SLC8A3: variants seen among roughly 807,000 people sequenced by gnomAD.
SLC8A3 encodes the protein solute carrier family 8 member A3.
A neutral mutation model predicts 65.4 loss-of-function variants in SLC8A3; 37 were observed. The observed-to-expected ratio is 0.57, with a 90% CI of 0.44 to 0.74. SLC8A3 has a LOEUF of 0.74. Among genes scored for constraint, SLC8A3 ranks in the 30% least tolerant of loss-of-function variants. The probability of loss-of-function intolerance (pLI) is 0.00; values close to 1 mark genes in which losing one functional copy is unlikely to be tolerated. For missense variants in SLC8A3, 1,112 were observed against 1,172.1 expected (o/e 0.95, Z 0.75); for synonymous variants, 461 against 444.5 (o/e 1.04, Z -0.47).
chr14:70,097,517 A>C (rs553676672), intron 2 of SLC8A3, among the ~76,000 whole-genome samples: 32 of 152,302 alleles, frequency 2.1e-4, no homozygotes, highest in African/African-American at 7.0e-4. Flanking sequence ...GAGGACCTCA[A>C]ATGAGTTTCC....
intron 3 of SLC8A3, among the ~76,000 whole-genome samples, chr14:70,054,658 C>G (rs1887882164): frequency 6.6e-6 from 1 of 152,030 alleles, no homozygotes; most frequent in South Asian, 2.1e-4. Flanking sequence ...TTGAGGATAG[C>G]CCTTATTTTG....
At chr14:70,110,835 C>T (rs765192238) in intron 2 of SLC8A3, among the ~76,000 whole-genome samples, 10 of 152,052 alleles carry the variant, frequency 6.6e-5, no homozygotes, top group Non-Finnish European at 1.3e-4. Context: ...TGCCCGCCAC[C>T]GCGCCTGGCT....
intron 2 of SLC8A3, among the ~76,000 whole-genome samples, chr14:70,163,758 T>C (rs568576033): frequency 2.0e-5 from 3 of 152,152 alleles, no homozygotes; most frequent in African/African-American, 7.2e-5. Flanking sequence ...CACCTCTAAG[T>C]TGGGGCCCGC....
intron 2 of SLC8A3, among the ~76,000 whole-genome samples, chr14:70,083,686 C>T (rs11846522): frequency 0.033 from 5,067 of 152,264 alleles, 296 homozygotes; most frequent in African/African-American, 0.12. Flanking sequence ...GAAGTCTATG[C>T]AGTTAGGCTC....
rs11848554 is a variant in SLC8A3 at position 70,067,993 on chromosome 14, G to A, written c.1785-7054C>T. 8.5e-3 allele frequency among the ~76,000 whole-genome samples: 1,296 copies of A among 152,324 alleles called. 17 individuals carry two copies. Among genetic ancestry groups the A allele is most frequent in the African/African-American group, 0.03 (1,264 of 41,560 alleles). ...TCCTCCAAGCTTTCTGCCAAGGGAG[G>A]TGCCAATGCACACAGCGTTCCCAGA... On this transcript the variant is annotated intron_variant, in intron 2 of 6. Coordinates refer to ENST00000356921, the MANE Select transcript of SLC8A3 (RefSeq NM_182932.3).
At chr14:70,184,391 C>A (rs1014100638) in intron 1 of SLC8A3, among the ~76,000 whole-genome samples, 32 of 152,320 alleles carry the variant, frequency 2.1e-4, no homozygotes, top group Middle Eastern at 3.4e-3. Context: ...GACCCTATGC[C>A]TTCTCCACAC....
intron 5 of SLC8A3, among the ~76,000 whole-genome samples, chr14:70,050,683 T>C (rs1380471754): frequency 1.3e-5 from 2 of 152,100 alleles, no homozygotes; most frequent in African/African-American, 4.8e-5. Context: ...AATCAGAATT[T>C]ATTGAGTTTG....
chr14:70,160,548 T>C (rs941225087), intron 2 of SLC8A3, among the ~76,000 whole-genome samples: 1 of 152,140 alleles, frequency 6.6e-6, no homozygotes, highest in Admixed American at 6.5e-5. Context: ...CTCGGAGTAG[T>C]TCTGGAATCA....
At chr14:70,071,050 G>T (rs561643672) in intron 2 of SLC8A3, among the ~76,000 whole-genome samples, 79 of 152,340 alleles carry the variant, frequency 5.2e-4, no homozygotes, top group African/African-American at 1.8e-3. Flanking sequence ...TGGTGGGAAA[G>T]AATAGTTCTG....
In SLC8A3 at chr14:70,046,261, C is replaced by G; in HGVS notation, c.2452G>C (p.Val818Leu). 1 of 1,614,154 alleles carries G rather than the reference C, an allele frequency of 6.2e-7. No individual in the cohort carries two copies. Among genetic ancestry groups the G allele is most frequent in the Non-Finnish European group, 8.5e-7 (1 of 1,179,992 alleles). Residue 818 changes from valine to leucine, a missense_variant, in exon 7 of 7, where the codon GTG becomes CTG. Val to Leu is a conservative substitution (Grantham distance 32). Coordinates refer to ENST00000356921, the MANE Select transcript of SLC8A3 (RefSeq NM_182932.3). This position sits in a 1 kb window ranked among gnomAD's most constrained non-coding sequence, Gnocchi z 4.2. Reference sequence around the variant, plus strand: ...ACATTGACGGCGTTGCTGCCCGTCACGTTGCCAATGGAGGCGTCTGCATAT... The same window carrying G: ...ACATTGACGGCGTTGCTGCCCGTCAGGTTGCCAATGGAGGCGTCTGCATAT... ...DVYADASIGN[V>L]TGSNAVNVFL...
At chr14:70,070,781 G>A (rs1889941094) in intron 2 of SLC8A3, among the ~76,000 whole-genome samples, 1 of 152,172 alleles carries the variant, frequency 6.6e-6, no homozygotes, top group Non-Finnish European at 1.5e-5. Flanking sequence ...AGGAGGTCAA[G>A]TAATGACCCC....
intron 2 of SLC8A3, among the ~76,000 whole-genome samples, chr14:70,111,743 T>C (rs953689445): frequency 3.3e-5 from 5 of 152,196 alleles, no homozygotes; most frequent in East Asian, 1.9e-4. Flanking sequence ...AGAAAGTGCA[T>C]GCGAAAACAT....
intron 2 of SLC8A3, among the ~76,000 whole-genome samples, chr14:70,073,381 C>T (rs1890186013): frequency 6.6e-6 from 1 of 152,116 alleles, no homozygotes. Flanking sequence ...TCCATTTGGG[C>T]CCCAAGTTTG....
At chr14:70,056,159 C>A (rs1020413214) in intron 3 of SLC8A3, among the ~76,000 whole-genome samples, 3 of 152,186 alleles carry the variant, frequency 2.0e-5, no homozygotes, top group African/African-American at 7.2e-5. Context: ...ACCAGGTTAT[C>A]ACATCCATTC....
At chr14:70,103,591 T>C (rs1892670551) in intron 2 of SLC8A3, among the ~76,000 whole-genome samples, 1 of 152,016 alleles carries the variant, frequency 6.6e-6, no homozygotes, top group African/African-American at 2.4e-5. Flanking sequence ...ATTTCTAAAT[T>C]GTCTGTGGTA....
intron 2 of SLC8A3, among the ~76,000 whole-genome samples, chr14:70,109,284 AACCTATATATATATATGTAT>A (rs1305057030): frequency 6.8e-6 from 1 of 147,150 alleles, no homozygotes; most frequent in Admixed American, 6.8e-5. Context: ...GAAGGTTCTT[AACCTATATATATATATGTAT>A]ATATATACAC....
chr14:70,130,183 C>T (rs1894727529), intron 2 of SLC8A3, among the ~76,000 whole-genome samples: 1 of 152,224 alleles, frequency 6.6e-6, no homozygotes, highest in Non-Finnish European at 1.5e-5. Flanking sequence ...GAGCTTCAGA[C>T]CCTAAACATT....
Position 70,046,508 on chromosome 14 carries a change from C to G in SLC8A3, c.2390-185G>C. On this transcript the variant is annotated intron_variant, in intron 6 of 6. Transcript: ENST00000356921. This position sits in a 1 kb window ranked among gnomAD's most constrained non-coding sequence, Gnocchi z 4.2. Reference sequence around the variant, plus strand: ...AAGCCGTGTGGCCCTGGGTAGGTCACATCCCTAGTCTGGGCTTCCCATTCC... The same window carrying G: ...AAGCCGTGTGGCCCTGGGTAGGTCAGATCCCTAGTCTGGGCTTCCCATTCC... 1 of 575,538 alleles carries G rather than the reference C, an allele frequency of 1.7e-6. No homozygotes were observed. The highest frequency in any genetic ancestry group is 3.0e-6 in the Non-Finnish European group (1 of 329,386). 35.7% of individuals were successfully genotyped at this position (575,538 alleles called of 1,614,324 possible).
At chr14:70,164,923 C>G (rs1364991429) in intron 2 of SLC8A3, among the ~76,000 whole-genome samples, 1 of 152,198 alleles carries the variant, frequency 6.6e-6, no homozygotes, top group African/African-American at 2.4e-5. Context: ...CCAGAAGGCA[C>G]AGGTTTCTAC....
Sources: gnomAD v4.1 joint callset for allele counts (sites outside exome capture counted in the v4.1 genomes callset) on GRCh38, gnomAD v4.1.1 for gene constraint, Gnocchi (gnomAD v3.1) non-coding constraint, MANE v1.5 for transcripts, NCBI Gene and HGNC (gene_info 2026-07-23, HGNC 2026-07-21) for gene names.